ST3GAL1: variants seen among roughly 807,000 people sequenced by gnomAD.
The protein encoded by ST3GAL1 is CMP-N-acetylneuraminate-beta-galactosamide-alpha-2,3-sialyltransferase 1.
ST3GAL1 carries 16 observed loss-of-function variants against 34.1 expected under a neutral mutation model. The ratio of observed to expected loss-of-function variants is 0.47; its 90% CI spans 0.32 to 0.71. ST3GAL1 has a LOEUF of 0.71. Among genes scored for constraint, ST3GAL1 ranks in the 30% least tolerant of loss-of-function variants. ST3GAL1 has a pLI of 0.04. For missense variants in ST3GAL1, 353 were observed against 447.4 expected (o/e 0.79, Z 1.90); for synonymous variants, 191 against 184.7 (o/e 1.03, Z -0.28).
At chr8:133,464,579 T>G (rs1361659065) in intron 7 of ST3GAL1, among the ~76,000 whole-genome samples, 199 bp downstream of exon 7, 1 of 151,956 alleles carries the variant, frequency 6.6e-6, no homozygotes, top group Non-Finnish European at 1.5e-5. Context: ...CACTAAAGCT[T>G]GTGGTTTGTT....
chr8:133,486,678 C>T (rs1452656187), intron 3 of ST3GAL1, among the ~76,000 whole-genome samples: 2 of 152,110 alleles, frequency 1.3e-5, no homozygotes, highest in Admixed American at 6.6e-5. Context: ...CTCCTTATGT[C>T]GATTAAAAAA....
chr8:133,563,820 C>T (rs1449134193), intron 1 of ST3GAL1, among the ~76,000 whole-genome samples: 2 of 152,216 alleles, frequency 1.3e-5, no homozygotes, highest in East Asian at 3.8e-4. Flanking sequence ...AGCTGCTGCA[C>T]ATGTGCACCC....
chr8:133,516,785 T>C (rs1464536797), intron 2 of ST3GAL1, among the ~76,000 whole-genome samples: 2 of 152,202 alleles, frequency 1.3e-5, no homozygotes, highest in African/African-American at 4.8e-5. Context: ...GTTTGTTTCC[T>C]AAGTCATGTG....
rs1367509083 is a variant in ST3GAL1, at chr8:133,456,139, A to G, written c.*3625T>C. On this transcript the variant is annotated 3_prime_UTR_variant, in exon 10 of 10. Coordinates refer to ENST00000522652, the MANE Select transcript of ST3GAL1 (RefSeq NM_173344.3). Reference sequence around the variant, plus strand: ...AAAGCTGGAGTTTTAAAAGGCATTCATCCATTTATGAACTTTCTTCCAGCC... The same window carrying G: ...AAAGCTGGAGTTTTAAAAGGCATTCGTCCATTTATGAACTTTCTTCCAGCC... 1 of 152,076 alleles carries G rather than the reference A, an allele frequency of 6.6e-6. No individual in the cohort carries two copies. The highest frequency in any genetic ancestry group is 2.4e-5 in the African/African-American group (1 of 41,400). 9.4% of individuals were successfully genotyped at this position (152,076 alleles called of 1,614,324 possible). A position where few individuals can be genotyped will look rare whatever the true frequency, so the allele number is the denominator to read the frequency against.
intron 3 of ST3GAL1, among the ~76,000 whole-genome samples, chr8:133,480,616 A>G (rs1206876697): frequency 6.6e-6 from 1 of 152,334 alleles, no homozygotes. Context: ...AGAGGTGGGT[A>G]ACCCTTACGC....
At chr8:133,557,881 G>A (rs1466932979) in intron 1 of ST3GAL1, among the ~76,000 whole-genome samples, 4 of 148,976 alleles carry the variant, frequency 2.7e-5, no homozygotes, top group African/African-American at 1.0e-4. Flanking sequence ...CTCCAGCCTG[G>A]GCAACAGAGT....
intron 1 of ST3GAL1, among the ~76,000 whole-genome samples, chr8:133,553,734 C>T (rs932472453): frequency 2.0e-5 from 3 of 152,208 alleles, no homozygotes; most frequent in African/African-American, 7.2e-5. Flanking sequence ...CACCAGAAAA[C>T]ATCAGCTGTG....
chr8:133,539,086 C>T (rs147628757), intron 2 of ST3GAL1, among the ~76,000 whole-genome samples: 5 of 152,326 alleles, frequency 3.3e-5, no homozygotes, highest in South Asian at 2.1e-4. Flanking sequence ...AAACACTCCC[C>T]CAGCCCCAGG....
At chr8:133,486,438 G>A (rs1488489243) in intron 3 of ST3GAL1, among the ~76,000 whole-genome samples, 1 of 152,224 alleles carries the variant, frequency 6.6e-6, no homozygotes, top group Non-Finnish European at 1.5e-5. Flanking sequence ...GAAGCTGACA[G>A]CTGTGCTCTC....
At position 133,570,314 on chromosome 8, in the gene ST3GAL1, G is replaced by A. The variant is rs1819529718; in HGVS notation, c.-582+1379C>T. Reference sequence around the variant, plus strand: ...CCGGAAACAATCACGAGAAAGCCGGGCGAATGCCTGATGCAGGGACGCGGC... The same window carrying A: ...CCGGAAACAATCACGAGAAAGCCGGACGAATGCCTGATGCAGGGACGCGGC... On this transcript the variant is annotated intron_variant, in intron 1 of 9. Transcript: ENST00000522652. This position sits in a 1 kb window ranked among gnomAD's most constrained non-coding sequence, Gnocchi z 5.6. 1 of 152,298 alleles carries A rather than the reference G, an allele frequency of 6.6e-6. No homozygotes were observed. Among genetic ancestry groups the A allele is most frequent in the African/African-American group, 2.4e-5 (1 of 41,470 alleles). The allele number at this position is 152,298 out of a possible 1,614,324, so 9.4% of individuals were successfully genotyped here.
At chr8:133,491,798 A>G (rs1186015506) in intron 3 of ST3GAL1, among the ~76,000 whole-genome samples, 1 of 152,124 alleles carries the variant, frequency 6.6e-6, no homozygotes, top group Non-Finnish European at 1.5e-5. Context: ...ATCCCTACAC[A>G]CTGAAGGTTG....
intron 3 of ST3GAL1, among the ~76,000 whole-genome samples, chr8:133,497,018 G>A (rs959393399): frequency 1.3e-5 from 2 of 152,180 alleles, no homozygotes; most frequent in Non-Finnish European, 2.9e-5. Context: ...CCCCAGGCTG[G>A]TGCCAATACC....
rs1179125494 is a variant in ST3GAL1, at chr8:133,508,607, C to T, written c.-428-9418G>A. 6.6e-6 allele frequency among the ~76,000 whole-genome samples: 1 copy of T among 152,100 alleles called. No homozygotes were observed. The highest frequency in any genetic ancestry group is 2.4e-5 in the African/African-American group (1 of 41,398). On this transcript the variant is annotated intron_variant, in intron 2 of 9. Coordinates refer to ENST00000522652, the MANE Select transcript of ST3GAL1 (RefSeq NM_173344.3). The surrounding 1 kb of genome is among the most constrained non-coding windows in gnomAD (Gnocchi z 4.1). The stretch of plus-strand genomic sequence containing the variant: ...AAGAGACAATCTCAGAAGCAGGGCA[C>T]TCGCTCAAATTCAGAGACCTTTCTC...
chr8:133,484,943 AT>A (rs886668802), intron 3 of ST3GAL1, among the ~76,000 whole-genome samples: 20 of 152,210 alleles, frequency 1.3e-4, no homozygotes, highest in African/African-American at 4.6e-4. Context: ...GTTCAGAAAC[AT>A]TTAAGAACTC....
At chr8:133,549,999 A>G (rs533529386) in intron 1 of ST3GAL1, among the ~76,000 whole-genome samples, 106 of 152,102 alleles carry the variant, frequency 7.0e-4, no homozygotes, top group Non-Finnish European at 1.3e-3. Context: ...ACAAAACTAG[A>G]ACTGCACCCC....
chr8:133,513,007 G>T (rs1817537351), intron 2 of ST3GAL1, among the ~76,000 whole-genome samples: 1 of 152,190 alleles, frequency 6.6e-6, no homozygotes, highest in Non-Finnish European at 1.5e-5. Flanking sequence ...AAGGAAGCTG[G>T]AGGGTCTCAC....
intron 2 of ST3GAL1, among the ~76,000 whole-genome samples, chr8:133,521,349 A>C (rs533599558): frequency 3.3e-5 from 5 of 152,052 alleles, no homozygotes; most frequent in African/African-American, 9.6e-5. Context: ...CCCAGGCTAG[A>C]GTGCAGTGGC....
intron 2 of ST3GAL1, among the ~76,000 whole-genome samples, chr8:133,539,432 C>T (rs552720990): frequency 6.6e-6 from 1 of 152,174 alleles, no homozygotes; most frequent in Non-Finnish European, 1.5e-5. Context: ...ACGCTCCAGC[C>T]CCTGGGCTGC....
Position 133,556,282 on chromosome 8 carries a change from C to T in ST3GAL1, c.-581-10356G>A, listed in dbSNP as rs532487710. Among the ~76,000 whole-genome samples the T allele has an allele frequency of 2.0e-4, 31 of 152,280 alleles. No homozygotes were observed. The highest frequency in any genetic ancestry group is 4.6e-4 in the Admixed American group (7 of 15,288). On this transcript the variant is annotated intron_variant, in intron 1 of 9. Coordinates refer to ENST00000522652, the MANE Select transcript of ST3GAL1 (RefSeq NM_173344.3). This position sits in a 1 kb window ranked among gnomAD's most constrained non-coding sequence, Gnocchi z 8.9. The stretch of plus-strand genomic sequence containing the variant: ...CACAAGGGGTAACACTAAGCTCGGA[C>T]GTGGAAGTCACTTGCCCCAGATCTC...
Sources: allele counts gnomAD v4.1 joint callset (sites outside exome capture counted in the v4.1 genomes callset), GRCh38; gene constraint gnomAD v4.1.1; non-coding constraint Gnocchi (gnomAD v3.1); transcripts MANE v1.5; gene names NCBI Gene and HGNC (gene_info 2026-07-23, HGNC 2026-07-21).